Variants in CYP7B1 observed in about 807,000 individuals in gnomAD.
CYP7B1 encodes the protein cytochrome P450 7B1.
A neutral mutation model predicts 42.7 loss-of-function variants in CYP7B1; 29 were observed. The observed-to-expected ratio is 0.68, with a 90% confidence interval of 0.51 to 0.93. The LOEUF is 0.93. CYP7B1 is among the 40% of genes least tolerant of loss of function. The pLI, the probability that CYP7B1 is intolerant of heterozygous loss-of-function variation, is 0.00. For missense variants in CYP7B1, 655 were observed against 600.5 expected (o/e 1.09, Z -0.95); for synonymous variants, 235 against 218.2 (o/e 1.08, Z -0.68).
downstream of CYP7B1, chr8:64,587,741 TC>T (rs1259609788): frequency 6.6e-6 from 1 of 152,258 alleles, no homozygotes; most frequent in African/African-American, 2.4e-5. Flanking sequence ...GAATTTTCCT[TC>T]TTTCTCTTCT....
intron 1 of CYP7B1, chr8:64,732,809 T>A (rs556093660): frequency 6.6e-6 from 1 of 152,230 alleles, no homozygotes; most frequent in South Asian, 2.1e-4. Context: ...TCTCAGGAGA[T>A]CTAATGGCTT....
intron 3 of CYP7B1, 116 bp downstream of exon 3, chr8:64,615,575 A>C (rs1245252802): frequency 9.9e-7 from 1 of 1,007,982 alleles, no homozygotes; most frequent in Non-Finnish European, 1.5e-6. Context: ...ACATTTTATC[A>C]TTAGCCAATT....
chr8:64,685,602 TGAG>T (rs1806616147), intron 1 of CYP7B1, among the ~76,000 whole-genome samples: 1 of 25,360 alleles, frequency 3.9e-5, no homozygotes, highest in African/African-American at 1.4e-4. Flanking sequence ...CCGCCCCGTC[TGAG>T]AAGTGAGGAG....
At chr8:64,770,360 T>C (rs1256826078) in intron 1 of CYP7B1, among the ~76,000 whole-genome samples, 1 of 152,138 alleles carries the variant, frequency 6.6e-6, no homozygotes, top group African/African-American at 2.4e-5. Context: ...CTTTAAGACA[T>C]AAAGAGGGTG....
At chr8:64,603,381 T>C (rs1048728607) in intron 5 of CYP7B1, among the ~76,000 whole-genome samples, 2 of 152,208 alleles carry the variant, frequency 1.3e-5, no homozygotes, top group Non-Finnish European at 2.9e-5. Flanking sequence ...ACATTTATTG[T>C]TTCTTGATAA....
intron 1 of CYP7B1, among the ~76,000 whole-genome samples, chr8:64,650,853 A>G (rs1400830177): frequency 6.6e-6 from 1 of 152,176 alleles, no homozygotes; most frequent in Non-Finnish European, 1.5e-5. Flanking sequence ...CTGTCCTTTC[A>G]TCCCAGCAAA....
At chr8:64,702,555 T>C (rs1585865675) in intron 1 of CYP7B1, among the ~76,000 whole-genome samples, 1 of 152,052 alleles carries the variant, frequency 6.6e-6, no homozygotes, top group East Asian at 1.9e-4. Context: ...CATTATGTAG[T>C]AAAGTAACCT....
chr8:64,725,427 A>G (rs182378513), intron 1 of CYP7B1, among the ~76,000 whole-genome samples: 22 of 152,328 alleles, frequency 1.4e-4, no homozygotes, highest in African/African-American at 5.3e-4. Context: ...AGGTAATGTT[A>G]AAGTCAGCAT....
chr8:64,655,298 T>G (rs926324626), intron 1 of CYP7B1, among the ~76,000 whole-genome samples: 19 of 152,158 alleles, frequency 1.2e-4, no homozygotes, highest in African/African-American at 4.6e-4. Flanking sequence ...ATATCCAGTA[T>G]CTATAAGAAA....
intron 1 of CYP7B1, among the ~76,000 whole-genome samples, chr8:64,746,358 A>G (rs1440247865): frequency 6.6e-6 from 1 of 152,174 alleles, no homozygotes; most frequent in Non-Finnish European, 1.5e-5. Context: ...GTTTTACCAC[A>G]AGAAAAATCA....
At chr8:64,640,534 C>T (rs1208956620) in intron 1 of CYP7B1, among the ~76,000 whole-genome samples, 2 of 152,060 alleles carry the variant, frequency 1.3e-5, no homozygotes, top group Non-Finnish European at 2.9e-5. Flanking sequence ...ATTTTCCAAG[C>T]CGAACTCTCT....
At chr8:64,757,009 G>T (rs1340397813) in intron 1 of CYP7B1, among the ~76,000 whole-genome samples, 2 of 152,164 alleles carry the variant, frequency 1.3e-5, no homozygotes, top group Non-Finnish European at 2.9e-5. Context: ...GTCTCCAGTT[G>T]ACTCACTTGG....
At chr8:64,717,937 T>A (rs1807182431) in intron 1 of CYP7B1, among the ~76,000 whole-genome samples, 1 of 151,826 alleles carries the variant, frequency 6.6e-6, no homozygotes, top group South Asian at 2.1e-4. Flanking sequence ...GACTATTATA[T>A]CTAGCAAATC....
intron 1 of CYP7B1, among the ~76,000 whole-genome samples, chr8:64,769,294 C>T (rs13276608): frequency 0.068 from 10,336 of 152,150 alleles, 459 homozygotes; most frequent in Non-Finnish European, 0.1. Flanking sequence ...CTTTTTTCTC[C>T]CCAGCCAAGA....
At chr8:64,725,535 C>A (rs1807310580) in intron 1 of CYP7B1, among the ~76,000 whole-genome samples, 1 of 152,136 alleles carries the variant, frequency 6.6e-6, no homozygotes, top group African/African-American at 2.4e-5. Context: ...TGACTCTTGC[C>A]CTAGGGTTTC....
intron 1 of CYP7B1, among the ~76,000 whole-genome samples, chr8:64,794,661 A>C (rs1164943743): frequency 6.6e-6 from 1 of 152,178 alleles, no homozygotes; most frequent in Admixed American, 6.5e-5. Context: ...TTATAACCCA[A>C]AGACCCCACT....
At chr8:64,714,507 C>T (rs1259201133) in intron 1 of CYP7B1, among the ~76,000 whole-genome samples, 4 of 152,354 alleles carry the variant, frequency 2.6e-5, no homozygotes, top group Non-Finnish European at 2.9e-5. Flanking sequence ...CATCCAGACA[C>T]TACAGTTGTC....
At chr8:64,644,761 T>TTTA (rs999287980) in intron 1 of CYP7B1, among the ~76,000 whole-genome samples, 1 of 152,018 alleles carries the variant, frequency 6.6e-6, no homozygotes, top group East Asian at 1.9e-4. Context: ...TCCACATTCT[T>TTTA]TTATTATTAT....
At chr8:64,694,253 A>G (rs2129632280) in intron 1 of CYP7B1, among the ~76,000 whole-genome samples, 1 of 152,370 alleles carries the variant, frequency 6.6e-6, no homozygotes, top group Non-Finnish European at 1.5e-5. Context: ...TATCATCTGC[A>G]ATAAACTTTT....
Sources: allele counts gnomAD v4.1 joint callset (sites outside exome capture counted in the v4.1 genomes callset), GRCh38; gene constraint gnomAD v4.1.1; transcripts MANE v1.5; gene names NCBI Gene and HGNC (gene_info 2026-07-23, HGNC 2026-07-21).